The following RPTOR variants were observed in gnomAD, a reference collection of about 807,000 sequenced individuals.
RPTOR encodes the protein regulatory-associated protein of mTOR.
A neutral mutation model predicts 169.9 loss-of-function variants in RPTOR; 21 were observed. That is an observed-to-expected ratio of 0.12 (90% CI 0.09 to 0.18). The LOEUF (loss-of-function observed/expected upper bound fraction) is 0.18, where lower values mean the gene tolerates loss of function less well. RPTOR is among the 10% of genes least tolerant of loss of function. The probability of loss-of-function intolerance (pLI) is 1.00; values close to 1 mark genes in which losing one functional copy is unlikely to be tolerated. For missense variants in RPTOR, 1,133 were observed against 1,855.9 expected (o/e 0.61, Z 7.16); for synonymous variants, 732 against 753.2 (o/e 0.97, Z 0.46).
chr17:80,798,659 C>T (rs555784002), intron 7 of RPTOR, among the ~76,000 whole-genome samples: 2 of 152,266 alleles, frequency 1.3e-5, no homozygotes, highest in African/African-American at 4.8e-5. Context: ...CTATGATGCG[C>T]ATTCACCTGA....
chr17:80,707,119 C>T lies in RPTOR; in HGVS notation c.349-722C>T, dbSNP rs2066147756. On this transcript the variant is annotated intron_variant, in intron 3 of 33. Transcript: ENST00000306801. The surrounding 1 kb of genome is among the most constrained non-coding windows in gnomAD (Gnocchi z 5.0). ...GGCAGGAGGCGGAGGGAGGAGCTTTCAGCAGGGCGATTCCTTACTCGGTCT... is the reference window on the plus strand; with the variant it reads ...GGCAGGAGGCGGAGGGAGGAGCTTTTAGCAGGGCGATTCCTTACTCGGTCT... Among the ~76,000 whole-genome samples, 1 of 152,154 alleles carries T rather than the reference C, an allele frequency of 6.6e-6. No homozygotes were observed. The highest frequency in any genetic ancestry group is 6.5e-5 in the Admixed American group (1 of 15,274).
At chr17:80,570,636 T>C (rs1042589482) in intron 1 of RPTOR, among the ~76,000 whole-genome samples, 5 of 151,962 alleles carry the variant, frequency 3.3e-5, no homozygotes. Context: ...AATTTTTGTA[T>C]TTTTAGTAGA....
intron 16 of RPTOR, 90 bp from the exon 17 acceptor site, chr17:80,884,918 G>A (rs2068227018): frequency 8.1e-6 from 12 of 1,486,630 alleles, no homozygotes; most frequent in Non-Finnish European, 1.1e-5. Flanking sequence ...CTGTGGGGTT[G>A]GATTCACCTG....
At chr17:80,769,624 A>G (rs1382414091) in intron 6 of RPTOR, among the ~76,000 whole-genome samples, 1 of 152,042 alleles carries the variant, frequency 6.6e-6, no homozygotes. Context: ...GGGAGTAGGG[A>G]TACTCCTTCT....
At chr17:80,927,213 T>A (rs1174847847) in intron 24 of RPTOR, among the ~76,000 whole-genome samples, 1 of 152,198 alleles carries the variant, frequency 6.6e-6, no homozygotes, top group South Asian at 2.1e-4. Context: ...TGCGGCCCAG[T>A]CTGTTGAAAA....
In RPTOR at chr17:80,823,250, C is replaced by T. The variant is rs767783415; in HGVS notation, c.1136+27C>T. On this transcript the variant is annotated intron_variant, in intron 9 of 33. Transcript: ENST00000306801. The surrounding 1 kb of genome is among the most constrained non-coding windows in gnomAD (Gnocchi z 4.5). ...TGAGTGTTTCAGGATCCTCCAGGTG[C>T]CGTGCTCCCCCGCCCTCCGTGGCAC... is the stretch of plus-strand genomic sequence containing the variant. 2 of 1,608,840 alleles carry T rather than the reference C, an allele frequency of 1.2e-6. No individual in the cohort carries two copies. The highest frequency in any genetic ancestry group is 2.2e-5 in the East Asian group (1 of 44,776).
chr17:80,942,328 G>T (rs11654011), intron 25 of RPTOR, among the ~76,000 whole-genome samples: 43,786 of 150,160 alleles, frequency 0.29, 6,962 homozygotes, highest in East Asian at 0.47. Context: ...CCAAGGTGAT[G>T]CTCTGGCCTG....
intron 4 of RPTOR, among the ~76,000 whole-genome samples, chr17:80,713,681 T>C (rs2066215688): frequency 6.6e-6 from 1 of 151,996 alleles, no homozygotes; most frequent in Non-Finnish European, 1.5e-5. Context: ...TCAGAGAAAA[T>C]AGACTGCAAG....
At chr17:80,862,683 C>T (rs932506732) in intron 13 of RPTOR, among the ~76,000 whole-genome samples, 21 of 151,510 alleles carry the variant, frequency 1.4e-4, no homozygotes, top group African/African-American at 4.7e-4. Context: ...ATGTCTGCTC[C>T]GCCCCCTCCT....
In RPTOR at chr17:80,861,558, A is replaced by G. The variant is rs1208976164; in HGVS notation, c.1509+3658A>G. ...CTACACCCATATCTTCGTCATCTAC[A>G]TGGACACACTTAGAAATATCTTGGC... On this transcript the variant is annotated intron_variant, in intron 13 of 33. Coordinates refer to ENST00000306801, the MANE Select transcript of RPTOR (RefSeq NM_020761.3). This position sits in a 1 kb window ranked among gnomAD's most constrained non-coding sequence, Gnocchi z 4.5. 6.6e-6 allele frequency among the ~76,000 whole-genome samples: 1 copy of G among 152,176 alleles called. No individual in the cohort carries two copies. Among genetic ancestry groups the G allele is most frequent in the Non-Finnish European group, 1.5e-5 (1 of 68,020 alleles).
chr17:80,858,200 T>G, intron 13 of RPTOR: 1 of 409,794 alleles, frequency 2.4e-6, no homozygotes, highest in South Asian at 2.8e-5. Context: ...TCCCCCTGCC[T>G]GTGTCTGACC....
chr17:80,790,456 CGTT>C (rs1287113122), intron 6 of RPTOR, among the ~76,000 whole-genome samples: 1 of 152,200 alleles, frequency 6.6e-6, no homozygotes, highest in East Asian at 1.9e-4. Context: ...ACCTCTGGCT[CGTT>C]GTCTTCCTGG....
intron 2 of RPTOR, among the ~76,000 whole-genome samples, chr17:80,627,417 A>C (rs184561156): frequency 6.6e-6 from 1 of 152,232 alleles, no homozygotes; most frequent in African/African-American, 2.4e-5. Flanking sequence ...TGCCATAATC[A>C]ATGTATAGAA....
intron 4 of RPTOR, among the ~76,000 whole-genome samples, chr17:80,725,838 T>C (rs969969678): frequency 2.0e-5 from 3 of 152,180 alleles, no homozygotes. Context: ...GACTTCCAAA[T>C]TGTTGCAGTC....
chr17:80,689,833 G>C (rs570342504), intron 3 of RPTOR, among the ~76,000 whole-genome samples: 1 of 152,090 alleles, frequency 6.6e-6, no homozygotes, highest in African/African-American at 2.4e-5. Flanking sequence ...TATTTTTCTA[G>C]GTATGATAAT....
At chr17:80,916,775 G>T (rs927990488) in intron 21 of RPTOR, among the ~76,000 whole-genome samples, 2 of 152,166 alleles carry the variant, frequency 1.3e-5, no homozygotes, top group African/African-American at 4.8e-5. Flanking sequence ...CAAGGCGGGC[G>T]GATCACTTGA....
chr17:80,925,222 T>G, intron 23 of RPTOR, 148 bp from the exon 24 acceptor site: 1 of 643,130 alleles, frequency 1.6e-6, no homozygotes, highest in Non-Finnish European at 2.7e-6. Context: ...GATACGGAAG[T>G]GAGCAGAGCA....
At chr17:80,951,448 G>C (rs564790886) in intron 28 of RPTOR, among the ~76,000 whole-genome samples, 48 of 152,326 alleles carry the variant, frequency 3.2e-4, no homozygotes, top group African/African-American at 1.1e-3. Context: ...CAGAGAACGA[G>C]GCTCTCACTG....
intron 15 of RPTOR, 90 bp from the exon 16 acceptor site, chr17:80,883,691 T>C (rs913600769): frequency 7.1e-7 from 1 of 1,417,420 alleles, no homozygotes; most frequent in Non-Finnish European, 9.9e-7. Context: ...TTCCCAAGAA[T>C]GGGTGGCCAC....
Sources: allele counts gnomAD v4.1 joint callset (sites outside exome capture counted in the v4.1 genomes callset), GRCh38; gene constraint gnomAD v4.1.1; non-coding constraint Gnocchi (gnomAD v3.1); transcripts MANE v1.5; gene names NCBI Gene and HGNC (gene_info 2026-07-23, HGNC 2026-07-21).